The following TNNI3K variants were observed in gnomAD, a reference collection of about 807,000 sequenced individuals.
The protein encoded by TNNI3K is TNNI3 interacting kinase.
In TNNI3K, 140 loss-of-function variants were observed where a neutral mutation model predicts 114.5. The observed-to-expected ratio is 1.22, with a 90% CI of 1.07 to 1.41. TNNI3K has a LOEUF of 1.41. Among genes scored for constraint, TNNI3K ranks in the 40% most tolerant of loss-of-function variants. The pLI, the probability that TNNI3K is intolerant of heterozygous loss-of-function variation, is 0.00. For missense variants in TNNI3K, 1,125 were observed against 1,007.6 expected (o/e 1.12, Z -1.58); for synonymous variants, 347 against 347.5 (o/e 1.00, Z 0.02).
intron 4 of TNNI3K, among the ~76,000 whole-genome samples, chr1:74,270,166 A>G (rs1656253840): frequency 6.6e-6 from 1 of 151,794 alleles, no homozygotes; most frequent in Non-Finnish European, 1.5e-5. Context: ...AATCTGCCTT[A>G]GTGAGGAGTA....
At chr1:74,289,001 T>C (rs1237133105) in intron 5 of TNNI3K, among the ~76,000 whole-genome samples, 3 of 151,686 alleles carry the variant, frequency 2.0e-5, no homozygotes, top group Non-Finnish European at 4.4e-5. Flanking sequence ...GAGTGTATGT[T>C]GTGGCTTGGA....
At chr1:74,542,545 A>G (rs1218630175) in intron 24 of TNNI3K, among the ~76,000 whole-genome samples, 5 of 152,208 alleles carry the variant, frequency 3.3e-5, no homozygotes, top group African/African-American at 1.2e-4. Flanking sequence ...AAAAGAGGTG[A>G]GTGAGAGAGA....
intron 6 of TNNI3K, among the ~76,000 whole-genome samples, chr1:74,335,518 C>A (rs528195785): frequency 1.3e-5 from 2 of 152,238 alleles, no homozygotes; most frequent in East Asian, 3.9e-4. Flanking sequence ...CTCCTATCCC[C>A]AGCCACTGTG....
chr1:74,250,820 G>GTGT (rs1438202420), intron 4 of TNNI3K, 51 bp downstream of exon 4: 48 of 865,010 alleles, frequency 5.5e-5, no homozygotes, highest in Non-Finnish European at 7.5e-5. Flanking sequence ...AGGATAGTGT[G>GTGT]TATCTTTAGG....
At chr1:74,301,632 T>G (rs1309052095) in intron 5 of TNNI3K, among the ~76,000 whole-genome samples, 1 of 152,198 alleles carries the variant, frequency 6.6e-6, no homozygotes, top group Non-Finnish European at 1.5e-5. Flanking sequence ...TCAGTGACCC[T>G]AATGTAACAG....
intron 21 of TNNI3K, chr1:74,468,696 T>G (rs941041731): frequency 2.6e-5 from 4 of 152,140 alleles, no homozygotes; most frequent in Non-Finnish European, 5.9e-5. Context: ...TTTATTATTA[T>G]TATTCTACCA....
At chr1:74,522,212 G>A (rs558973857) in intron 23 of TNNI3K, among the ~76,000 whole-genome samples, 1 of 152,296 alleles carries the variant, frequency 6.6e-6, no homozygotes, top group East Asian at 1.9e-4. Context: ...ACAAATACAA[G>A]GTTATAGACT....
In TNNI3K at chr1:74,469,130, G is replaced by C. The variant is rs145656698; in HGVS notation, c.2121+5580G>C. The C allele has an allele frequency of 1.0e-4, 16 of 152,570 alleles. No individual in the cohort carries two copies. The East Asian group carries it at 1.9e-3, about 18-fold the overall frequency. 9.5% of individuals were successfully genotyped at this position (152,570 alleles called of 1,614,324 possible). On this transcript the variant is annotated intron_variant, in intron 21 of 24. Coordinates refer to ENST00000326637, the MANE Select transcript of TNNI3K (RefSeq NM_015978.3). Reference sequence around the variant, plus strand: ...AATAAAGCTCATTAAAATTCCTTTTGTTCAGGATCCATTGTGTCGATCTTC... The same window carrying C: ...AATAAAGCTCATTAAAATTCCTTTTCTTCAGGATCCATTGTGTCGATCTTC...
intron 17 of TNNI3K, chr1:74,370,657 A>G (rs1279937878): frequency 7.8e-6 from 2 of 258,052 alleles, no homozygotes; most frequent in East Asian, 7.0e-5. Flanking sequence ...CCAGCTAACT[A>G]GTTCCCAGGT....
chr1:74,444,722 G>A (rs1489958478), intron 20 of TNNI3K, among the ~76,000 whole-genome samples: 1 of 150,882 alleles, frequency 6.6e-6, no homozygotes, highest in African/African-American at 2.4e-5. Flanking sequence ...ATATAGCCAA[G>A]ACAATCCTAA....
chr1:74,439,429 A>G, intron 19 of TNNI3K, 61 bp from the exon 20 acceptor site: 7 of 1,584,912 alleles, frequency 4.4e-6, no homozygotes, highest in Non-Finnish European at 4.3e-6. Flanking sequence ...GAAGAATGCT[A>G]CTCTGCAGTG....
intron 20 of TNNI3K, among the ~76,000 whole-genome samples, chr1:74,462,414 C>T (rs909678573): frequency 6.6e-6 from 1 of 152,144 alleles, no homozygotes; most frequent in Non-Finnish European, 1.5e-5. Flanking sequence ...CTCACTGATG[C>T]AGAGCAGTTT....
chr1:74,493,001 A>G (rs1466917888), intron 23 of TNNI3K, among the ~76,000 whole-genome samples: 1 of 152,042 alleles, frequency 6.6e-6, no homozygotes, highest in African/African-American at 2.4e-5. Context: ...TTATCTTCTT[A>G]TAAGGGCACC....
At chr1:74,335,517 C>G (rs192354271) in intron 6 of TNNI3K, among the ~76,000 whole-genome samples, 9 of 152,220 alleles carry the variant, frequency 5.9e-5, no homozygotes, top group Admixed American at 6.5e-5. Context: ...GCTCCTATCC[C>G]CAGCCACTGT....
Position 74,436,161 on chromosome 1 carries a change from T to A in TNNI3K, c.1825+29T>A, listed in dbSNP as rs1384198584. ...AGATACCCCAAAATGGCATCCTTTT[T>A]TTCTTTGTTCCTAGCTGGTACAATA... On this transcript the variant is annotated intron_variant, in intron 18 of 24. Transcript: ENST00000326637. 3 of 1,611,674 alleles carry A rather than the reference T, an allele frequency of 1.9e-6. No homozygotes were observed. In the East Asian group the frequency reaches 6.7e-5, roughly 36 times the overall value.
intron 20 of TNNI3K, among the ~76,000 whole-genome samples, chr1:74,444,963 G>A (rs1377825555): frequency 6.6e-6 from 1 of 152,150 alleles, no homozygotes; most frequent in Non-Finnish European, 1.5e-5. Context: ...AATTGTGCTG[G>A]GAGAACTGGC....
At chr1:74,404,029 A>G (rs1375102486) in intron 17 of TNNI3K, among the ~76,000 whole-genome samples, 2 of 152,070 alleles carry the variant, frequency 1.3e-5, no homozygotes, top group African/African-American at 2.4e-5. Context: ...GCCCACCCCA[A>G]TGTCCTTTAA....
intron 2 of TNNI3K, among the ~76,000 whole-genome samples, chr1:74,236,604 A>G (rs756631368): frequency 6.6e-5 from 10 of 151,816 alleles, no homozygotes; most frequent in Non-Finnish European, 1.5e-4. Flanking sequence ...TCTTTGAACT[A>G]TGACGGTAAG....
At chr1:74,370,231 T>C (rs987127289) in intron 16 of TNNI3K, 57 bp from the exon 17 acceptor site, 3 of 1,460,998 alleles carry the variant, frequency 2.1e-6, no homozygotes, top group Admixed American at 2.2e-5. Context: ...CATCATTTGC[T>C]TTTTTGATAT....
Sources: allele counts gnomAD v4.1 joint callset (sites outside exome capture counted in the v4.1 genomes callset), GRCh38; gene constraint gnomAD v4.1.1; transcripts MANE v1.5; gene names NCBI Gene and HGNC (gene_info 2026-07-23, HGNC 2026-07-21).